ADAMTSL1: variants seen among roughly 807,000 people sequenced by gnomAD.
ADAMTSL1 encodes the protein ADAMTS-like protein 1.
ADAMTSL1 carries 126 observed loss-of-function variants against 201.8 expected under a neutral mutation model. The observed-to-expected ratio is 0.62, with a 90% CI of 0.54 to 0.72. The LOEUF (loss-of-function observed/expected upper bound fraction) is 0.72, where lower values mean the gene tolerates loss of function less well. Among genes scored for constraint, ADAMTSL1 ranks in the 30% least tolerant of loss-of-function variants. The pLI, the probability that ADAMTSL1 is intolerant of heterozygous loss-of-function variation, is 0.00. For missense variants in ADAMTSL1, 2,679 were observed against 2,277.8 expected (o/e 1.18, Z -3.59); for synonymous variants, 1,121 against 903.4 (o/e 1.24, Z -4.32).
chr9:18,284,247 A>T (rs907556720), intron 2 of ADAMTSL1, among the ~76,000 whole-genome samples: 1 of 152,086 alleles, frequency 6.6e-6, no homozygotes, highest in African/African-American at 2.4e-5. Context: ...TAAAATAAAA[A>T]AAGAATTAAA....
chr9:18,827,177 A>AT (rs34163536), intron 22 of ADAMTSL1, among the ~76,000 whole-genome samples: 169 of 147,420 alleles, frequency 1.1e-3, no homozygotes, highest in African/African-American at 2.9e-3. Context: ...AAAAAAAAAA[A>AT]TTTTTTTTGG....
chr9:18,575,923 C>T (rs1268078329), intron 4 of ADAMTSL1, among the ~76,000 whole-genome samples: 4 of 152,240 alleles, frequency 2.6e-5, no homozygotes, highest in East Asian at 1.9e-4. Context: ...GGGAGTTCAA[C>T]GTGGCATATT....
Position 18,185,834 on chromosome 9 carries a change from G to A in ADAMTSL1, c.207+21853G>A, listed in dbSNP as rs1167798712. 2.8e-5 allele frequency among the ~76,000 whole-genome samples: 4 copies of A among 140,630 alleles called. No homozygotes were observed. The Admixed American group carries it at 3.0e-4, about 11-fold the overall frequency. The allele number at this position is 140,630 out of a possible 152,430, so 92.3% of individuals were successfully genotyped here. ...TGTAAAATACATGCTGTACAAGAAG[G>A]TAGAGATCTATGTAATACAATTGGG... On this transcript the variant is annotated intron_variant, in intron 2 of 29. Transcript: ENST00000680146.
chr9:18,410,777 T>G (rs2791453), intron 2 of ADAMTSL1, among the ~76,000 whole-genome samples: 55,465 of 151,660 alleles, frequency 0.37, 10,345 homozygotes, highest in South Asian at 0.39. Flanking sequence ...TCTGCCTCTA[T>G]GTCTTTGCCC....
chr9:18,856,410 T>C (rs1251311930), intron 23 of ADAMTSL1, among the ~76,000 whole-genome samples: 2 of 152,122 alleles, frequency 1.3e-5, no homozygotes, highest in Admixed American at 1.3e-4. Context: ...TTTTTAGTCT[T>C]ATTGTTGACA....
chr9:17,966,618 A>C (rs1817989976), intron 1 of ADAMTSL1, among the ~76,000 whole-genome samples: 1 of 152,160 alleles, frequency 6.6e-6, no homozygotes, highest in East Asian at 1.9e-4. Flanking sequence ...AAACATGTCT[A>C]GTTTTCTTTT....
At chr9:18,862,998 T>C (rs1366581204) in intron 23 of ADAMTSL1, among the ~76,000 whole-genome samples, 1 of 152,236 alleles carries the variant, frequency 6.6e-6, no homozygotes, top group Non-Finnish European at 1.5e-5. Context: ...TCAACAGTAC[T>C]GTGAACTTTT....
intron 14 of ADAMTSL1, among the ~76,000 whole-genome samples, chr9:18,713,274 T>A (rs990307565): frequency 6.6e-6 from 1 of 151,980 alleles, no homozygotes; most frequent in Non-Finnish European, 1.5e-5. Context: ...GTCAATGGAC[T>A]AAATGCTCCA....
At chr9:18,875,244 A>G (rs899921063) in intron 23 of ADAMTSL1, among the ~76,000 whole-genome samples, 8 of 151,638 alleles carry the variant, frequency 5.3e-5, no homozygotes, top group Admixed American at 3.9e-4. Flanking sequence ...TTTTGTTTCA[A>G]TTTCATTTAG....
chr9:17,927,302 AC>A (rs1241483309), intron 1 of ADAMTSL1, among the ~76,000 whole-genome samples: 2 of 152,352 alleles, frequency 1.3e-5, no homozygotes, highest in African/African-American at 4.8e-5. Flanking sequence ...GTGTATGTAC[AC>A]ATACATGTAT....
chr9:18,686,490 G>T (rs528536989), intron 13 of ADAMTSL1, among the ~76,000 whole-genome samples: 1 of 152,114 alleles, frequency 6.6e-6, no homozygotes, highest in East Asian at 1.9e-4. Context: ...CTTTTTAGGG[G>T]GGCATTAATA....
chr9:18,838,578 A>C (rs1423106902), intron 23 of ADAMTSL1, among the ~76,000 whole-genome samples: 3 of 152,166 alleles, frequency 2.0e-5, no homozygotes, highest in Admixed American at 6.5e-5. Flanking sequence ...TGTAATCCCA[A>C]TGTTTTGGGA....
chr9:18,636,845 C>G (rs1827139501), intron 6 of ADAMTSL1, among the ~76,000 whole-genome samples: 1 of 151,980 alleles, frequency 6.6e-6, no homozygotes, highest in Non-Finnish European at 1.5e-5. Context: ...TTGAGCATTT[C>G]TGATTTCCTC....
At chr9:18,117,161 T>C (rs1825286642) in intron 1 of ADAMTSL1, among the ~76,000 whole-genome samples, 1 of 152,168 alleles carries the variant, frequency 6.6e-6, no homozygotes, top group South Asian at 2.1e-4. Flanking sequence ...TGAATTGCTG[T>C]AGTTATCTCT....
intron 5 of ADAMTSL1, among the ~76,000 whole-genome samples, chr9:18,627,324 T>C (rs1826454414): frequency 6.6e-6 from 1 of 152,224 alleles, no homozygotes; most frequent in Non-Finnish European, 1.5e-5. Context: ...AGTAGTGGTA[T>C]TTCATACTTG....
At chr9:18,036,715 A>G (rs1821214925) in intron 1 of ADAMTSL1, among the ~76,000 whole-genome samples, 1 of 152,182 alleles carries the variant, frequency 6.6e-6, no homozygotes, top group South Asian at 2.1e-4. Flanking sequence ...ACCTACATTG[A>G]TATGGGTTTC....
At chr9:18,847,317 T>C (rs1826185621) in intron 23 of ADAMTSL1, among the ~76,000 whole-genome samples, 1 of 152,110 alleles carries the variant, frequency 6.6e-6, no homozygotes, top group Non-Finnish European at 1.5e-5. Flanking sequence ...AGGCAAAGTA[T>C]TCCATGCACT....
rs146178060 is a variant in ADAMTSL1 at position 18,495,032 on chromosome 9, A to C, written c.64-9797A>C. On this transcript the variant is annotated intron_variant, in intron 1 of 28. Coordinates refer to ENST00000380548, the MANE Select transcript of ADAMTSL1 (RefSeq NM_001040272.6). ...CAAAGTGCCAGGCATGAATGGTAGT[A>C]CCAGAATTAAGTCAGTGAAAGTAAG... Among the ~76,000 whole-genome samples the C allele has an allele frequency of 1.3e-3, 204 of 152,348 alleles. 1 individual carries two copies. Among genetic ancestry groups the C allele is most frequent in the African/African-American group, 4.7e-3 (197 of 41,580 alleles).
Position 18,246,931 on chromosome 9 carries a change from A to G in ADAMTSL1, c.207+82950A>G, listed in dbSNP as rs576425828. On this transcript the variant is annotated intron_variant, in intron 2 of 29. Transcript: ENST00000680146. ...ATAAATGCAAGACAATGTATTTATT[A>G]CTGTTTCTAAAGCTCAATTCAGGAA... 2.0e-5 allele frequency among the ~76,000 whole-genome samples: 3 copies of G among 152,310 alleles called. 1 individual carries two copies. The South Asian group carries it at 6.2e-4, about 32-fold the overall frequency.
Sources: allele counts gnomAD v4.1 joint callset (sites outside exome capture counted in the v4.1 genomes callset), GRCh38; gene constraint gnomAD v4.1.1; transcripts MANE v1.5; gene names NCBI Gene and HGNC (gene_info 2026-07-23, HGNC 2026-07-21).